DAB1: variants seen among roughly 807,000 people sequenced by gnomAD.
DAB1 encodes the protein disabled homolog 1.
DAB1 carries 15 observed loss-of-function variants against 64.6 expected under a neutral mutation model. The observed-to-expected ratio is 0.23, with a 90% CI of 0.16 to 0.36. The LOEUF is 0.36. DAB1 is among the 10% of genes least tolerant of loss of function. The probability of loss-of-function intolerance (pLI) is 1.00; values close to 1 mark genes in which losing one functional copy is unlikely to be tolerated. For synonymous variants in DAB1, 235 were observed against 251.9 expected, an observed-to-expected ratio of 0.93 and a Z score of 0.64; for missense variants, 596 against 706.7, an observed-to-expected ratio of 0.84 and a Z score of 1.78.
At chr1:57,760,229 T>A (rs1649012290) in intron 6 of DAB1, among the ~76,000 whole-genome samples, 1 of 152,170 alleles carries the variant, frequency 6.6e-6, no homozygotes, top group Non-Finnish European at 1.5e-5. Flanking sequence ...TAAGCCACAT[T>A]ATGCAGGTAT....
chr1:57,859,970 CT>C (rs1653935655), intron 1 of DAB1, among the ~76,000 whole-genome samples: 2 of 152,192 alleles, frequency 1.3e-5, no homozygotes, highest in South Asian at 4.1e-4. Flanking sequence ...CATTTGTGTT[CT>C]GATCTTCAGA....
chr1:57,236,260 C>A (rs1668078739), intron 2 of DAB1, among the ~76,000 whole-genome samples: 1 of 152,230 alleles, frequency 6.6e-6, no homozygotes, highest in South Asian at 2.1e-4. Context: ...CAACTTCCTC[C>A]TTTGTCAGAA....
rs570365535 is a variant in DAB1, at chr1:57,049,320, G to C, written c.723+13564C>G. Among the ~76,000 whole-genome samples the C allele has an allele frequency of 1.5e-4, 22 of 151,226 alleles. No individual in the cohort carries two copies. The East Asian group carries it at 4.3e-3, about 30-fold the overall frequency. ...AAAAAAATTAGCTGGGCATGGTGGC[G>C]GGCACCTGTAGTCCCAGCTACTCGG... On this transcript the variant is annotated intron_variant, in intron 9 of 14. Coordinates refer to ENST00000371236, the MANE Select transcript of DAB1 (RefSeq NM_001365792.1).
intron 5 of DAB1, among the ~76,000 whole-genome samples, chr1:58,125,805 G>A (rs1327667754): frequency 1.3e-5 from 2 of 152,036 alleles, no homozygotes; most frequent in Admixed American, 1.3e-4. Flanking sequence ...TCACTATGAG[G>A]TACAATCAGC....
chr1:58,478,493 T>C (rs1645441880), intron 3 of DAB1, among the ~76,000 whole-genome samples: 1 of 152,154 alleles, frequency 6.6e-6, no homozygotes, highest in African/African-American at 2.4e-5. Flanking sequence ...TTGGTCAACC[T>C]AGGAGGATTT....
intron 9 of DAB1, among the ~76,000 whole-genome samples, chr1:57,027,523 C>G (rs1167988548): frequency 6.6e-6 from 1 of 152,174 alleles, no homozygotes; most frequent in Non-Finnish European, 1.5e-5. Context: ...CCTTTACTGC[C>G]TGGACCGCTG....
At chr1:58,530,810 T>TA (rs1159848120) in intron 1 of DAB1, 67 of 754,302 alleles carry the variant, frequency 8.9e-5, no homozygotes, top group Non-Finnish European at 1.5e-4. Flanking sequence ...CATCATGTGT[T>TA]ACAATTACCT....
intron 4 of DAB1, among the ~76,000 whole-genome samples, chr1:57,092,099 G>A (rs1322460113): frequency 1.3e-5 from 2 of 152,228 alleles, no homozygotes; most frequent in African/African-American, 2.4e-5. Context: ...AGAAAGTGCA[G>A]CTCCTGGGTA....
chr1:57,717,050 T>G (rs1570763889), intron 6 of DAB1, among the ~76,000 whole-genome samples: 1 of 151,674 alleles, frequency 6.6e-6, no homozygotes, highest in Middle Eastern at 3.4e-3. Flanking sequence ...ACCAGGCTGG[T>G]CAACATAGTG....
chr1:57,527,414 C>G (rs570674226), intron 7 of DAB1, among the ~76,000 whole-genome samples: 2 of 152,280 alleles, frequency 1.3e-5, no homozygotes, highest in African/African-American at 4.8e-5. Context: ...CACACATTTT[C>G]CCATCCATTT....
At chr1:57,000,811 C>T (rs972384158) in intron 14 of DAB1, among the ~76,000 whole-genome samples, 1 of 152,192 alleles carries the variant, frequency 6.6e-6, no homozygotes, top group African/African-American at 2.4e-5. Flanking sequence ...ACAATTTGCT[C>T]TATTCTAATT....
At chr1:58,133,165 T>C (rs1653741008) in intron 5 of DAB1, among the ~76,000 whole-genome samples, 1 of 152,234 alleles carries the variant, frequency 6.6e-6, no homozygotes, top group African/African-American at 2.4e-5. Context: ...TCTGTTCTGG[T>C]TGCACAACGA....
At chr1:58,494,327 C>T (rs1342987921) in intron 3 of DAB1, among the ~76,000 whole-genome samples, 3 of 151,966 alleles carry the variant, frequency 2.0e-5, no homozygotes, top group East Asian at 1.9e-4. Context: ...AGAAGAAAAC[C>T]TAGGCAATAC....
At chr1:58,407,858 A>C (rs1293333045) in intron 3 of DAB1, among the ~76,000 whole-genome samples, 1 of 151,906 alleles carries the variant, frequency 6.6e-6, no homozygotes, top group Non-Finnish European at 1.5e-5. Context: ...CCTTCCAAAA[A>C]CCTATGGCTT....
chr1:57,694,039 A>G (rs1385686820), intron 6 of DAB1, among the ~76,000 whole-genome samples: 1 of 152,144 alleles, frequency 6.6e-6, no homozygotes, highest in Non-Finnish European at 1.5e-5. Context: ...GCCCAGATCA[A>G]TGTCCTGGAG....
At chr1:57,741,448 A>G (rs1333044110) in intron 6 of DAB1, among the ~76,000 whole-genome samples, 1 of 152,208 alleles carries the variant, frequency 6.6e-6, no homozygotes, top group South Asian at 2.1e-4. Context: ...AGCAACCATT[A>G]GCTTAAAACG....
chr1:57,666,206 A>C (rs1558590796), intron 6 of DAB1, among the ~76,000 whole-genome samples: 1 of 152,158 alleles, frequency 6.6e-6, no homozygotes, highest in East Asian at 1.9e-4. Flanking sequence ...CATGCAAGGA[A>C]ATAAGAAGAT....
At chr1:57,438,751 T>C (rs150553134) in intron 7 of DAB1, among the ~76,000 whole-genome samples, 352 of 152,288 alleles carry the variant, frequency 2.3e-3, no homozygotes, top group African/African-American at 8.0e-3. Context: ...ATGTATATGA[T>C]CTTAGGGAAC....
At chr1:58,108,403 T>C (rs899341088) in intron 5 of DAB1, among the ~76,000 whole-genome samples, 1 of 152,206 alleles carries the variant, frequency 6.6e-6, no homozygotes, top group Non-Finnish European at 1.5e-5. Context: ...AACCATATCA[T>C]GAACAAAACT....
Sources: gnomAD v4.1 joint callset for allele counts (sites outside exome capture counted in the v4.1 genomes callset) on GRCh38, gnomAD v4.1.1 for gene constraint, MANE v1.5 for transcripts, NCBI Gene and HGNC (gene_info 2026-07-23, HGNC 2026-07-21) for gene names.